Variants in DLG2 observed in about 807,000 individuals in gnomAD.
DLG2 encodes disks large homolog 2.
Under a neutral mutation model 132.5 loss-of-function variants are expected in DLG2, and 45 were observed. The observed-to-expected ratio is 0.34, with a 90% CI of 0.27 to 0.44. DLG2 has a LOEUF of 0.44. Ranked by LOEUF, DLG2 falls within the 20% of genes least tolerant of loss-of-function variation. DLG2 has a pLI of 1.00. For missense variants in DLG2, 1,045 were observed against 1,196.9 expected (o/e 0.87, Z 1.87); for synonymous variants, 424 against 419.6 (o/e 1.01, Z -0.13).
chr11:85,406,685 A>G (rs1184752135), intron 3 of DLG2, among the ~76,000 whole-genome samples: 1 of 151,926 alleles, frequency 6.6e-6, no homozygotes, highest in Non-Finnish European at 1.5e-5. Flanking sequence ...ACTTTTATTC[A>G]TTCATTCTTT....
chr11:84,640,421 C>G lies in DLG2; in HGVS notation c.358-105690G>C, dbSNP rs75011292. On this transcript the variant is annotated intron_variant, in intron 6 of 27. Transcript: ENST00000376104. ...CTCAAGCCCAGAACGATGAATTAAT[C>G]TTTGAAGGAAACAACATTGAGCTTA... The G allele has an allele frequency of 2.2e-3, 947 of 431,968 alleles. 11 individuals are homozygous for G. The highest frequency in any genetic ancestry group is 0.019 in the African/African-American group (889 of 47,630). The allele number at this position is 431,968 out of a possible 1,614,324, so 26.8% of individuals were successfully genotyped here.
intron 9 of DLG2, among the ~76,000 whole-genome samples, chr11:84,121,213 A>T (rs192169875): frequency 0.017 from 2,576 of 152,316 alleles, 25 homozygotes; most frequent in Non-Finnish European, 0.027. Flanking sequence ...CTATAATGTT[A>T]TATAAGTTAT....
intron 5 of DLG2, among the ~76,000 whole-genome samples, chr11:85,121,679 T>C (rs2074337702): frequency 6.6e-6 from 1 of 152,112 alleles, no homozygotes; most frequent in Non-Finnish European, 1.5e-5. Flanking sequence ...TATTAGTCCA[T>C]TTCTTTTATA....
chr11:84,948,502 C>T (rs2050511164), intron 6 of DLG2, among the ~76,000 whole-genome samples: 1 of 152,234 alleles, frequency 6.6e-6, no homozygotes, highest in Admixed American at 6.5e-5. Flanking sequence ...TTGCTAATCT[C>T]AAGTGCTCTG....
chr11:84,593,402 C>T (rs546698231), intron 6 of DLG2, among the ~76,000 whole-genome samples: 6 of 152,224 alleles, frequency 3.9e-5, no homozygotes, highest in African/African-American at 1.4e-4. Flanking sequence ...CCCAAATGCC[C>T]ATCAATGATA....
chr11:85,021,494 A>G, intron 6 of DLG2: 1 of 1,467,780 alleles, frequency 6.8e-7, no homozygotes, highest in Non-Finnish European at 9.6e-7. Flanking sequence ...TACTGAAAGA[A>G]GGCAAAGCCG....
chr11:84,580,808 C>T (rs2099514584), intron 6 of DLG2, among the ~76,000 whole-genome samples: 1 of 152,198 alleles, frequency 6.6e-6, no homozygotes, highest in Non-Finnish European at 1.5e-5. Context: ...TTAGGAGTTG[C>T]CTGCTAAGGG....
chr11:83,636,832 G>T (rs1299040130), intron 18 of DLG2, among the ~76,000 whole-genome samples: 2 of 152,140 alleles, frequency 1.3e-5, no homozygotes, highest in African/African-American at 4.8e-5. Context: ...TCCCCAAAAT[G>T]AATGATTTAT....
At chr11:83,503,051 A>G (rs1367169350) in intron 21 of DLG2, among the ~76,000 whole-genome samples, 1 of 152,026 alleles carries the variant, frequency 6.6e-6, no homozygotes, top group Admixed American at 6.6e-5. Context: ...ATAAGCTCTA[A>G]AAAACCTCAC....
At chr11:84,709,211 T>A (rs921516594) in intron 6 of DLG2, among the ~76,000 whole-genome samples, 1 of 151,938 alleles carries the variant, frequency 6.6e-6, no homozygotes, top group African/African-American at 2.4e-5. Flanking sequence ...AGCAAAGTGA[T>A]GGCACTTGGT....
intron 2 of DLG2, among the ~76,000 whole-genome samples, chr11:85,604,942 C>T (rs1340687284): frequency 2.0e-5 from 3 of 152,052 alleles, no homozygotes; most frequent in Non-Finnish European, 4.4e-5. Flanking sequence ...AATGATGATA[C>T]ATAAAATCAT....
intron 3 of DLG2, among the ~76,000 whole-genome samples, chr11:85,493,928 A>ATTG (rs2093616979): frequency 2.0e-5 from 3 of 152,182 alleles, no homozygotes; most frequent in African/African-American, 7.2e-5. Context: ...AGATGAAGGC[A>ATTG]CCAGTAGGAT....
chr11:84,296,779 C>T (rs553178484), intron 7 of DLG2, among the ~76,000 whole-genome samples: 32 of 152,166 alleles, frequency 2.1e-4, no homozygotes, highest in South Asian at 4.2e-4. Context: ...AAATAATATG[C>T]TCAAAAAAGC....
chr11:84,081,607 A>G (rs940254410), intron 10 of DLG2, among the ~76,000 whole-genome samples: 2 of 152,168 alleles, frequency 1.3e-5, no homozygotes, highest in African/African-American at 4.8e-5. Context: ...TAGTTTGCTC[A>G]GAAAGATGGT....
chr11:84,205,203 C>A (rs1224629925), intron 8 of DLG2, among the ~76,000 whole-genome samples: 1 of 152,148 alleles, frequency 6.6e-6, no homozygotes, highest in Non-Finnish European at 1.5e-5. Flanking sequence ...GCAATCTTAA[C>A]TGTATTCATA....
At chr11:84,398,818 G>A (rs1309074858) in intron 7 of DLG2, among the ~76,000 whole-genome samples, 3 of 152,132 alleles carry the variant, frequency 2.0e-5, no homozygotes, top group African/African-American at 4.8e-5. Context: ...GCAGTATTCT[G>A]GCTCAGCCCA....
intron 6 of DLG2, among the ~76,000 whole-genome samples, chr11:84,725,144 C>A (rs1596565540): frequency 6.6e-6 from 1 of 152,006 alleles, no homozygotes; most frequent in Non-Finnish European, 1.5e-5. Flanking sequence ...AGATCTGAAG[C>A]CAAGCCACCT....
intron 5 of DLG2, among the ~76,000 whole-genome samples, chr11:85,148,297 T>C (rs546840421): frequency 6.6e-6 from 1 of 152,180 alleles, no homozygotes; most frequent in Non-Finnish European, 1.5e-5. Flanking sequence ...TCAAATGGTA[T>C]TTCTGGTTGT....
intron 6 of DLG2, among the ~76,000 whole-genome samples, chr11:84,989,206 C>A (rs902199193): frequency 1.3e-5 from 2 of 152,068 alleles, no homozygotes; most frequent in Admixed American, 1.3e-4. Context: ...GATGGAGTTT[C>A]GCTCTTTTGC....
Sources: gnomAD v4.1 joint callset for allele counts (sites outside exome capture counted in the v4.1 genomes callset) on GRCh38, gnomAD v4.1.1 for gene constraint, MANE v1.5 for transcripts, NCBI Gene and HGNC (gene_info 2026-07-23, HGNC 2026-07-21) for gene names.